RANBP2: variants seen among roughly 807,000 people sequenced by gnomAD.
RANBP2 encodes RAN binding protein 2.
In RANBP2, 57 loss-of-function variants were observed where a neutral mutation model predicts 303.6. The observed-to-expected ratio is 0.19, with a 90% confidence interval of 0.15 to 0.23. The LOEUF is 0.23. Among genes scored for constraint, RANBP2 ranks in the 10% least tolerant of loss-of-function variants. The pLI is 1.00. For missense variants in RANBP2, 3,138 were observed against 3,780.8 expected (o/e 0.83, Z 4.46); for synonymous variants, 1,167 against 1,301.5 (o/e 0.90, Z 2.23).
chr2:109,631,788 T>A, the RANBP2 span, among the ~76,000 whole-genome samples: 9 of 152,066 alleles, frequency 5.9e-5, no homozygotes, highest in African/African-American at 1.9e-4. Flanking sequence ...AATCTCATTA[T>A]CTCTGTTGTA....
At chr2:109,524,571 A>G in the RANBP2 span, among the ~76,000 whole-genome samples, 2 of 151,898 alleles carry the variant, frequency 1.3e-5, no homozygotes, top group African/African-American at 4.8e-5. Context: ...AGCCTGGCCA[A>G]CATGGTGAAA....
At chr2:109,339,551 G>A in the RANBP2 span, among the ~76,000 whole-genome samples, 77 of 152,306 alleles carry the variant, frequency 5.1e-4, no homozygotes, top group African/African-American at 1.6e-3. Flanking sequence ...AGATGGGGCC[G>A]ACCAGGCATC....
At chr2:109,279,443 T>G in the RANBP2 span, among the ~76,000 whole-genome samples, 2 of 152,208 alleles carry the variant, frequency 1.3e-5, no homozygotes, top group Non-Finnish European at 2.9e-5. Flanking sequence ...CTACTGGGTC[T>G]TCCTCCACCT....
the RANBP2 span, among the ~76,000 whole-genome samples, chr2:109,000,494 C>CT: frequency 6.6e-6 from 1 of 152,158 alleles, no homozygotes; most frequent in East Asian, 1.9e-4. Context: ...GGTCACGCCA[C>CT]TGCACTCCAG....
the RANBP2 span, among the ~76,000 whole-genome samples, chr2:109,042,540 A>G: frequency 6.6e-6 from 1 of 152,150 alleles, no homozygotes. Context: ...CCATTAGTCT[A>G]TCATCCATCC....
At chr2:108,776,087 A>G in intron 24 of RANBP2, 151 bp downstream of exon 24, 1 of 651,196 alleles carries the variant, frequency 1.5e-6, no homozygotes, top group South Asian at 1.9e-5. Context: ...AATAATAACC[A>G]GAAAAATTAT....
chr2:109,468,587 C>G, the RANBP2 span, among the ~76,000 whole-genome samples: 1 of 152,088 alleles, frequency 6.6e-6, no homozygotes, highest in Admixed American at 6.5e-5. Flanking sequence ...GGTGTGGTAG[C>G]TCACGCCTGT....
Position 108,758,526 on chromosome 2 carries a change from A to T in RANBP2, c.2580A>T (p.Thr860=), listed in dbSNP as rs772385523. 6.2e-7 allele frequency: 1 copy of T among 1,611,384 alleles called. No individual in the cohort carries two copies. The highest frequency in any genetic ancestry group is 8.5e-7 in the Non-Finnish European group (1 of 1,179,790). Residue 860 remains threonine, a synonymous_variant, in exon 18 of 29, where the codon ACA becomes ACT. Coordinates refer to ENST00000283195, the MANE Select transcript of RANBP2 (RefSeq NM_006267.5). The stretch of plus-strand genomic sequence containing the variant: ...CTGATGGATATCAGGGGTCACAGAC[A>T]TTTCATGGGGCTCCACTAACAGGTG... ...SVPDGYQGSQ[T]FHGAPLTVAT... is the part of the protein sequence containing the mutation.
chr2:108,909,166 C>T, the RANBP2 span, among the ~76,000 whole-genome samples: 2 of 152,322 alleles, frequency 1.3e-5, no homozygotes, highest in South Asian at 2.1e-4. Context: ...TCCAAATTTT[C>T]CCTGTCTTCA....
the RANBP2 span, among the ~76,000 whole-genome samples, chr2:109,073,524 C>T: frequency 7.1e-6 from 1 of 141,180 alleles, no homozygotes; most frequent in Non-Finnish European, 1.6e-5. Context: ...AAAAAATTAG[C>T]TGGGTGTGGT....
chr2:109,487,118 C>G, the RANBP2 span, among the ~76,000 whole-genome samples: 1 of 152,200 alleles, frequency 6.6e-6, no homozygotes, highest in Admixed American at 6.5e-5. Context: ...CCACATCCCA[C>G]TGGGCTCCTG....
rs1258546305 is a variant in RANBP2, at chr2:108,759,017, G to A, written c.2602+469G>A. ...GAATCATACTGGGTTTTTAAGTTCT[G>A]CTCTATCACTTACTATAATAGCTGT... On this transcript the variant is annotated intron_variant, in intron 18 of 28. Transcript: ENST00000283195. Among the ~76,000 whole-genome samples, 4 of 149,234 alleles carry A rather than the reference G, an allele frequency of 2.7e-5. No homozygotes were observed. In the East Asian group the frequency reaches 7.7e-4, roughly 29 times the overall value.
At chr2:109,434,736 G>A in the RANBP2 span, among the ~76,000 whole-genome samples, 1 of 152,212 alleles carries the variant, frequency 6.6e-6, no homozygotes, top group Non-Finnish European at 1.5e-5. Flanking sequence ...AAGTTCTACA[G>A]GCATTCAGGA....
intron 17 of RANBP2, among the ~76,000 whole-genome samples, chr2:108,755,675 G>C (rs1250134196): frequency 6.6e-6 from 1 of 151,558 alleles, no homozygotes; most frequent in African/African-American, 2.4e-5. Context: ...TTGCAGGTGT[G>C]AGCCACTGTG....
At chr2:108,796,835 G>A in the RANBP2 span, among the ~76,000 whole-genome samples, 3 of 152,164 alleles carry the variant, frequency 2.0e-5, no homozygotes, top group African/African-American at 7.2e-5. Context: ...AAGGGTAGCA[G>A]GGGTGAAGAG....
At chr2:109,424,763 C>T in the RANBP2 span, among the ~76,000 whole-genome samples, 1 of 152,264 alleles carries the variant, frequency 6.6e-6, no homozygotes, top group Middle Eastern at 3.4e-3. Context: ...ACCGTTTCCC[C>T]CATCTCTCTT....
chr2:108,922,068 C>A, the RANBP2 span, among the ~76,000 whole-genome samples: 1 of 152,234 alleles, frequency 6.6e-6, no homozygotes, highest in East Asian at 1.9e-4. Context: ...CTTAGAGAGG[C>A]GCCCCTGCCG....
the RANBP2 span, among the ~76,000 whole-genome samples, chr2:109,152,062 G>A: frequency 6.6e-6 from 1 of 152,220 alleles, no homozygotes; most frequent in Non-Finnish European, 1.5e-5. Context: ...CTCATCAGCA[G>A]TCTATTTTCA....
the RANBP2 span, among the ~76,000 whole-genome samples, chr2:108,848,964 A>G: frequency 6.6e-6 from 1 of 152,202 alleles, no homozygotes; most frequent in Admixed American, 6.5e-5. Flanking sequence ...CAGTTATTAT[A>G]ACTATATCCC....
Sources: gnomAD v4.1 joint callset for allele counts (sites outside exome capture counted in the v4.1 genomes callset) on GRCh38, gnomAD v4.1.1 for gene constraint, MANE v1.5 for transcripts, NCBI Gene and HGNC (gene_info 2026-07-23, HGNC 2026-07-21) for gene names.